The following SLC4A7 variants were observed in gnomAD, a reference collection of about 807,000 sequenced individuals.
SLC4A7 encodes the protein solute carrier family 4 member 7.
A neutral mutation model predicts 137.6 loss-of-function variants in SLC4A7; 51 were observed. The ratio of observed to expected loss-of-function variants is 0.37; its 90% CI spans 0.30 to 0.47. The LOEUF (loss-of-function observed/expected upper bound fraction) is 0.47. Among genes scored for constraint, SLC4A7 ranks in the 20% least tolerant of loss-of-function variants. SLC4A7 has a pLI of 1.00. For missense variants in SLC4A7, 1,247 were observed against 1,525.4 expected (o/e 0.82, Z 3.04); for synonymous variants, 542 against 518.6 (o/e 1.05, Z -0.61).
intron 15 of SLC4A7, among the ~76,000 whole-genome samples, chr3:27,402,570 C>T (rs771784212): frequency 6.6e-5 from 10 of 151,938 alleles, no homozygotes; most frequent in South Asian, 4.2e-4. Flanking sequence ...CACGGTGATA[C>T]GTGCCTGTAA....
At chr3:27,416,948 C>T (rs2054447878) in intron 11 of SLC4A7, among the ~76,000 whole-genome samples, 1 of 152,140 alleles carries the variant, frequency 6.6e-6, no homozygotes, top group South Asian at 2.1e-4. Context: ...TTTTTAAAAA[C>T]CATTACGCAT....
intron 1 of SLC4A7, chr3:27,462,516 T>C (rs1403990348): frequency 6.6e-6 from 1 of 152,244 alleles, no homozygotes; most frequent in African/African-American, 2.4e-5. Context: ...GAACCAGAGG[T>C]GGAGATTTGA....
rs1404309386 is a variant in SLC4A7 at position 27,397,873 on chromosome 3, G to A, written c.2590-76C>T. On this transcript the variant is annotated intron_variant, in intron 17 of 25. Transcript: ENST00000454389. ...TTCTAAATAATTCACATCTTTTATT[G>A]ATAAAATTGTCACTACAACGTACAA... is the stretch of plus-strand genomic sequence containing the variant. 2.1e-5 allele frequency: 18 copies of A among 847,850 alleles called. No homozygotes were observed. In the East Asian group the frequency reaches 3.5e-4, roughly 17 times the overall value. 52.5% of individuals were successfully genotyped at this position (847,850 alleles called of 1,614,324 possible).
rs1249140038 is a variant in SLC4A7, at chr3:27,398,238, G to C, written c.2543C>G (p.Ser848Cys). The C allele has an allele frequency of 6.2e-7, 1 of 1,613,020 alleles. No homozygotes were observed. The highest frequency in any genetic ancestry group is 2.2e-5 in the East Asian group (1 of 44,822). ...GGTCTTAAATTGCTTGAGGAATGAA[G>C]ACAGAAAAAATGTTGTGAAAAACAA... ...VILFFTTFFL[S>C]SFLKQFKTKR... Residue 848 changes from serine (S) to cysteine (C), a missense_variant, in exon 17 of 26, where the codon TCT becomes TGT. This residue lies in a region of SLC4A7 where 499 missense variants were observed against 664.2 expected (regional missense o/e 0.75). Coordinates refer to ENST00000454389, the MANE Select transcript of SLC4A7 (RefSeq NM_001321103.2).
intron 3 of SLC4A7, among the ~76,000 whole-genome samples, chr3:27,438,280 T>C (rs1413312316): frequency 2.0e-5 from 3 of 149,608 alleles, no homozygotes; most frequent in Admixed American, 6.7e-5. Flanking sequence ...GCCGAGGCGG[T>C]TGGATCATGA....
chr3:27,411,609 C>A, intron 12 of SLC4A7, 33 bp downstream of exon 12: 2 of 1,140,844 alleles, frequency 1.8e-6, no homozygotes, highest in Non-Finnish European at 2.4e-6. Context: ...AATCATCCCC[C>A]AAACCCTTCA....
At chr3:27,379,178 A>G in intron 25 of SLC4A7, 71 bp downstream of exon 25, 1 of 745,332 alleles carries the variant, frequency 1.3e-6, no homozygotes, top group Non-Finnish European at 2.3e-6. Context: ...TGAAAGAAAG[A>G]AAGGAATGAA....
At chr3:27,436,183 G>A (rs1045867657) in intron 5 of SLC4A7, among the ~76,000 whole-genome samples, 3 of 152,038 alleles carry the variant, frequency 2.0e-5, no homozygotes, top group Non-Finnish European at 2.9e-5. Context: ...CTCTGTATTC[G>A]CTTGTGCCAC....
At chr3:27,415,211 A>C (rs2054268226) in intron 11 of SLC4A7, among the ~76,000 whole-genome samples, 1 of 152,286 alleles carries the variant, frequency 6.6e-6, no homozygotes, top group East Asian at 1.9e-4. Flanking sequence ...GGCCAGATGC[A>C]TTGTCTAATA....
At chr3:27,455,734 T>G (rs757326452) in intron 1 of SLC4A7, among the ~76,000 whole-genome samples, 1 of 152,056 alleles carries the variant, frequency 6.6e-6, no homozygotes, top group African/African-American at 2.4e-5. Flanking sequence ...AAAAATTAGC[T>G]GAGTGCGGTG....
Position 27,390,280 on chromosome 3 carries a change from G to T in SLC4A7, c.3187-176C>A. Reference sequence around the variant, plus strand: ...CTCTGGATCCAAAGTGGGGTCGGGTGGGGGAGGGTGGCAGGTGGGAACCAA... The same window carrying T: ...CTCTGGATCCAAAGTGGGGTCGGGTTGGGGAGGGTGGCAGGTGGGAACCAA... On this transcript the variant is annotated intron_variant, in intron 21 of 25. Coordinates refer to ENST00000454389, the MANE Select transcript of SLC4A7 (RefSeq NM_001321103.2). The T allele has an allele frequency of 6.7e-6, 3 of 447,114 alleles. 1 individual carries two copies. Among genetic ancestry groups the T allele is most frequent in the East Asian group, 7.8e-5 (2 of 25,710 alleles). 27.7% of individuals were successfully genotyped at this position (447,114 alleles called of 1,614,324 possible).
At chr3:27,404,352 G>A (rs1352205200) in intron 14 of SLC4A7, among the ~76,000 whole-genome samples, 2 of 152,210 alleles carry the variant, frequency 1.3e-5, no homozygotes, top group African/African-American at 4.8e-5. Flanking sequence ...GGGCAACAGA[G>A]TGAGATTCAG....
At chr3:27,453,666 C>A (rs890784024) in intron 1 of SLC4A7, among the ~76,000 whole-genome samples, 1 of 152,186 alleles carries the variant, frequency 6.6e-6, no homozygotes, top group Non-Finnish European at 1.5e-5. Context: ...TGGAAACCCT[C>A]GGTGTCCAAA....
At chr3:27,379,974 G>C (rs2050251651) in intron 24 of SLC4A7, among the ~76,000 whole-genome samples, 2 of 152,122 alleles carry the variant, frequency 1.3e-5, no homozygotes, top group African/African-American at 4.8e-5. Flanking sequence ...CACATATTTA[G>C]TGTGATAAAG....
At chr3:27,434,274 T>G (rs572281046) in intron 5 of SLC4A7, among the ~76,000 whole-genome samples, 170 bp from the exon 6 acceptor site, 8 of 152,118 alleles carry the variant, frequency 5.3e-5, no homozygotes, top group Non-Finnish European at 1.0e-4. Context: ...CCAATAAAAA[T>G]GAATTACAAA....
chr3:27,474,485 G>T lies in SLC4A7; in HGVS notation c.60+9582C>A, dbSNP rs137902545. On this transcript the variant is annotated intron_variant, in intron 1 of 25. Transcript: ENST00000454389. The stretch of plus-strand genomic sequence containing the variant: ...CCAGCACTTTGGGAAGCCAAGGCAG[G>T]CAGATCACGAGGTCAGGAGTTTGAG... Among the ~76,000 whole-genome samples the T allele has an allele frequency of 4.3e-4, 66 of 152,236 alleles. No individual in the cohort carries two copies. The Middle Eastern group carries it at 0.01, about 24-fold the overall frequency.
At chr3:27,449,355 T>C (rs181371897) in intron 2 of SLC4A7, among the ~76,000 whole-genome samples, 6 of 148,314 alleles carry the variant, frequency 4.0e-5, no homozygotes, top group Admixed American at 6.7e-5. Flanking sequence ...ATAAATATAA[T>C]ATATAAATAA....
At chr3:27,454,827 A>G (rs915470554) in intron 1 of SLC4A7, among the ~76,000 whole-genome samples, 1 of 152,210 alleles carries the variant, frequency 6.6e-6, no homozygotes, top group African/African-American at 2.4e-5. Context: ...CAGGATATGA[A>G]GCAAAACAAT....
intron 1 of SLC4A7, 54 bp from the exon 2 acceptor site, chr3:27,452,552 A>T: frequency 2.6e-6 from 3 of 1,138,324 alleles, no homozygotes; most frequent in Non-Finnish European, 3.8e-6. Flanking sequence ...TTGAGGACCT[A>T]TTATATGCAT....
Sources: allele counts gnomAD v4.1 joint callset (sites outside exome capture counted in the v4.1 genomes callset), GRCh38; gene constraint gnomAD v4.1.1; regional missense constraint gnomAD v4.1.1; transcripts MANE v1.5; gene names NCBI Gene and HGNC (gene_info 2026-07-23, HGNC 2026-07-21).